PTDSS1: variants seen among roughly 807,000 people sequenced by gnomAD.
PTDSS1 encodes the protein phosphatidylserine synthase 1.
Under a neutral mutation model 70.5 loss-of-function variants are expected in PTDSS1, and 45 were observed. That is an observed-to-expected ratio of 0.64 (90% CI 0.50 to 0.82). The LOEUF is 0.82. Among genes scored for constraint, PTDSS1 ranks in the 40% least tolerant of loss-of-function variants. The pLI, the probability that PTDSS1 is intolerant of heterozygous loss-of-function variation, is 0.00. For synonymous variants in PTDSS1, 188 were observed against 203.8 expected, an observed-to-expected ratio of 0.92 and a Z score of 0.66; for missense variants, 417 against 586.1, an observed-to-expected ratio of 0.71 and a Z score of 2.98.
intron 10 of PTDSS1, among the ~76,000 whole-genome samples, chr8:96,327,813 T>A (rs1297587734): frequency 6.6e-6 from 1 of 152,188 alleles, no homozygotes; most frequent in African/African-American, 2.4e-5. Flanking sequence ...AGCCTGGCTC[T>A]CATCCCACGT....
chr8:96,295,214 C>T lies in PTDSS1; in HGVS notation c.558C>T (p.Tyr186=), dbSNP rs185374340. 2.0e-5 allele frequency: 32 copies of T among 1,614,112 alleles called. No homozygotes were observed. Among genetic ancestry groups the T allele is most frequent in the East Asian group, 1.8e-4 (8 of 44,880 alleles). Reference sequence around the variant, plus strand: ...TGAAGGCCTTGCTGATCCGTAGTTACGGTCTCTGCTGGACAATCAGTATTA... The same window carrying T: ...TGAAGGCCTTGCTGATCCGTAGTTATGGTCTCTGCTGGACAATCAGTATTA... ...WAMKALLIRS[Y]GLCWTISITW... The change falls in exon 5 of 13, where the codon TAC becomes TAT. Residue 186 remains tyrosine, a synonymous_variant. Coordinates refer to ENST00000517309, the MANE Select transcript of PTDSS1 (RefSeq NM_014754.3).
intron 2 of PTDSS1, among the ~76,000 whole-genome samples, chr8:96,273,705 TGG>T (rs1810599741): frequency 6.6e-6 from 1 of 150,760 alleles, no homozygotes; most frequent in African/African-American, 2.5e-5. Context: ...TCAATAAATG[TGG>T]TTGTTTTTGT....
Position 96,335,276 on chromosome 8 carries a change from C to G in PTDSS1, c.*1710C>G, listed in dbSNP as rs1811579094. Reference sequence around the variant, plus strand: ...AAGAGGCCATTTTTAAACACAGGTACAATTTAAACATGATCTTTCTTTGCA... The same window carrying G: ...AAGAGGCCATTTTTAAACACAGGTAGAATTTAAACATGATCTTTCTTTGCA... On this transcript the variant is annotated 3_prime_UTR_variant, in exon 13 of 13. Coordinates refer to ENST00000517309, the MANE Select transcript of PTDSS1 (RefSeq NM_014754.3). 1 of 152,204 alleles carries G rather than the reference C, an allele frequency of 6.6e-6. No homozygotes were observed. The highest frequency in any genetic ancestry group is 2.4e-5 in the African/African-American group (1 of 41,444). The allele number at this position is 152,204 out of a possible 1,614,324, so 9.4% of individuals were successfully genotyped here. A position where few individuals can be genotyped will look rare whatever the true frequency, so the allele number is the denominator to read the frequency against.
intron 3 of PTDSS1, among the ~76,000 whole-genome samples, chr8:96,286,642 T>A (rs1333008553): frequency 6.6e-6 from 1 of 152,148 alleles, no homozygotes; most frequent in African/African-American, 2.4e-5. Flanking sequence ...TCCATTCCCC[T>A]CTCTGCCAGT....
intron 1 of PTDSS1, among the ~76,000 whole-genome samples, chr8:96,267,374 T>C (rs1178457479): frequency 2.6e-5 from 4 of 152,168 alleles, no homozygotes; most frequent in Non-Finnish European, 5.9e-5. Context: ...CCTTTATAGC[T>C]TTCGGGACTG....
At position 96,262,386 on chromosome 8, in the gene PTDSS1, G is replaced by T. The variant is rs1232616974; in HGVS notation, c.179+167G>T. 6.6e-6 allele frequency among the ~76,000 whole-genome samples: 1 copy of T among 152,094 alleles called. No homozygotes were observed. Among genetic ancestry groups the T allele is most frequent in the Non-Finnish European group, 1.5e-5 (1 of 68,002 alleles). On this transcript the variant is annotated intron_variant, in intron 1 of 12. Transcript: ENST00000517309. This position sits in a 1 kb window ranked among gnomAD's most constrained non-coding sequence, Gnocchi z 4.4. Reference sequence around the variant, plus strand: ...GCCCACGCGGCCCCTCCGCCCGCCCGGTGTCTCACAGTACGCTAGCCTGCT... The same window carrying T: ...GCCCACGCGGCCCCTCCGCCCGCCCTGTGTCTCACAGTACGCTAGCCTGCT...
At chr8:96,319,371 C>T (rs1811342477) in intron 9 of PTDSS1, among the ~76,000 whole-genome samples, 2 of 152,072 alleles carry the variant, frequency 1.3e-5, no homozygotes, top group Admixed American at 1.3e-4. Context: ...TCACCTCATC[C>T]ATTCTTACCT....
At chr8:96,312,026 AT>A (rs896547483) in intron 9 of PTDSS1, among the ~76,000 whole-genome samples, 7 of 152,052 alleles carry the variant, frequency 4.6e-5, no homozygotes, top group African/African-American at 1.7e-4. Flanking sequence ...TGTGGAGTGG[AT>A]TTTTTTTCCA....
At chr8:96,303,350 A>G (rs1811076541) in intron 6 of PTDSS1, among the ~76,000 whole-genome samples, 1 of 152,218 alleles carries the variant, frequency 6.6e-6, no homozygotes, top group Non-Finnish European at 1.5e-5. Flanking sequence ...GCTCCCACCC[A>G]CTAGAACGGA....
intron 6 of PTDSS1, 121 bp from the exon 7 acceptor site, chr8:96,303,918 AG>A: frequency 9.3e-7 from 1 of 1,079,538 alleles, no homozygotes; most frequent in East Asian, 2.5e-5. Context: ...TCAAATAAAA[AG>A]CAGTCTCTTT....
intron 10 of PTDSS1, among the ~76,000 whole-genome samples, chr8:96,321,612 C>G (rs960094714): frequency 6.6e-6 from 1 of 152,196 alleles, no homozygotes; most frequent in African/African-American, 2.4e-5. Flanking sequence ...TCTTTGTCCT[C>G]TGTATTTTCT....
At chr8:96,326,172 C>T (rs76916934) in intron 10 of PTDSS1, among the ~76,000 whole-genome samples, 5,366 of 152,242 alleles carry the variant, frequency 0.035, 130 homozygotes, top group African/African-American at 0.067. Flanking sequence ...GCCCTTCCCA[C>T]GCTGTTTTCT....
At chr8:96,316,719 C>T (rs950485124) in intron 9 of PTDSS1, among the ~76,000 whole-genome samples, 3 of 152,072 alleles carry the variant, frequency 2.0e-5, no homozygotes, top group Non-Finnish European at 4.4e-5. Flanking sequence ...ACTGGCCAGG[C>T]GAAGTGGCTC....
At chr8:96,333,185 A>G (rs1811542343) in intron 12 of PTDSS1, among the ~76,000 whole-genome samples, 1 of 152,174 alleles carries the variant, frequency 6.6e-6, no homozygotes, top group Non-Finnish European at 1.5e-5. Context: ...CATCATGACC[A>G]TGTCCATCAT....
At chr8:96,273,258 G>T (rs927496002) in intron 1 of PTDSS1, 41 bp from the exon 2 acceptor site, 12 of 1,435,782 alleles carry the variant, frequency 8.4e-6, no homozygotes, top group Non-Finnish European at 1.1e-5. Context: ...TTTCTATTTG[G>T]ATCTGAAAGT....
At chr8:96,304,232 A>G in intron 7 of PTDSS1, 51 bp downstream of exon 7, 1 of 1,559,862 alleles carries the variant, frequency 6.4e-7, no homozygotes, top group Non-Finnish European at 8.7e-7. Flanking sequence ...ACTAAAATAA[A>G]AACTTTTTAG....
intron 1 of PTDSS1, among the ~76,000 whole-genome samples, chr8:96,272,656 C>T (rs2130004597): frequency 6.6e-6 from 1 of 152,272 alleles, no homozygotes; most frequent in Admixed American, 6.5e-5. Flanking sequence ...ACTTTTGCAA[C>T]CTCATTTTGT....
chr8:96,285,712 C>T (rs1810813207), intron 3 of PTDSS1, among the ~76,000 whole-genome samples: 1 of 152,104 alleles, frequency 6.6e-6, no homozygotes, highest in Non-Finnish European at 1.5e-5. Flanking sequence ...ATGTGTGCAT[C>T]CATGGACATT....
chr8:96,282,091 G>C (rs1211795556), intron 2 of PTDSS1, among the ~76,000 whole-genome samples: 1 of 152,176 alleles, frequency 6.6e-6, no homozygotes, highest in Non-Finnish European at 1.5e-5. Flanking sequence ...AACCTTATAA[G>C]AGGAAACTAT....
Sources: allele counts gnomAD v4.1 joint callset (sites outside exome capture counted in the v4.1 genomes callset), GRCh38; gene constraint gnomAD v4.1.1; non-coding constraint Gnocchi (gnomAD v3.1); transcripts MANE v1.5; gene names NCBI Gene and HGNC (gene_info 2026-07-23, HGNC 2026-07-21).